VWA8: variants seen among roughly 807,000 people sequenced by gnomAD.
The protein encoded by VWA8 is von Willebrand factor A domain-containing protein 8.
A neutral mutation model predicts 241.5 loss-of-function variants in VWA8; 221 were observed. The ratio of observed to expected loss-of-function variants is 0.91; its 90% CI spans 0.82 to 1.02. The LOEUF is 1.02. Among genes scored for constraint, VWA8 ranks in the 50% least tolerant of loss-of-function variants. The probability of loss-of-function intolerance (pLI) is 0.00; values close to 1 mark genes in which losing one functional copy is unlikely to be tolerated. For synonymous variants in VWA8, 852 were observed against 827.1 expected, an observed-to-expected ratio of 1.03 and a Z score of -0.52; for missense variants, 2,322 against 2,328.7, an observed-to-expected ratio of 1.00 and a Z score of 0.06.
At chr13:41,933,517 T>TA (rs1431706023) in intron 2 of VWA8, among the ~76,000 whole-genome samples, 1 of 151,976 alleles carries the variant, frequency 6.6e-6, no homozygotes, top group East Asian at 1.9e-4. Context: ...AACAACTTTT[T>TA]AAAAGAACAA....
At chr13:41,615,140 C>A (rs1005439889) in intron 37 of VWA8, 56 bp from the exon 38 acceptor site, 86 of 1,564,836 alleles carry the variant, frequency 5.5e-5, no homozygotes, top group Non-Finnish European at 6.8e-5. Flanking sequence ...CCAGGGACTG[C>A]ATGACAGAAA....
intron 21 of VWA8, among the ~76,000 whole-genome samples, chr13:41,745,262 T>C (rs2045596409): frequency 6.6e-6 from 1 of 152,128 alleles, no homozygotes. Context: ...TTACATTAGG[T>C]ATTTCTCCTA....
At chr13:41,574,552 C>CAAAG (rs752284542) in intron 43 of VWA8, among the ~76,000 whole-genome samples, 7 of 152,040 alleles carry the variant, frequency 4.6e-5, no homozygotes, top group Non-Finnish European at 8.8e-5. Context: ...CATTATTTTT[C>CAAAG]AAAGAACTAG....
rs180683586 is a variant in VWA8, at chr13:41,662,116, T to C, written c.4611+8830A>G. On this transcript the variant is annotated intron_variant, in intron 37 of 44. Coordinates refer to ENST00000379310, the MANE Select transcript of VWA8 (RefSeq NM_015058.2). Reference sequence around the variant, plus strand: ...TTCTTTTAAAAATTATTTTGGTTCATTTAGTTCATTTATCTTCCCATATAA... The same window carrying C: ...TTCTTTTAAAAATTATTTTGGTTCACTTAGTTCATTTATCTTCCCATATAA... 3.0e-3 allele frequency among the ~76,000 whole-genome samples: 450 copies of C among 152,288 alleles called. 2 individuals are homozygous for C. The highest frequency in any genetic ancestry group is 0.01 in the African/African-American group (421 of 41,564).
chr13:41,706,317 G>T (rs1222842075), intron 26 of VWA8, among the ~76,000 whole-genome samples: 1 of 152,154 alleles, frequency 6.6e-6, no homozygotes, highest in African/African-American at 2.4e-5. Context: ...AGGACCTCCA[G>T]GTACCCTATA....
At chr13:41,578,324 T>G (rs1471528228) in intron 42 of VWA8, among the ~76,000 whole-genome samples, 1 of 152,194 alleles carries the variant, frequency 6.6e-6, no homozygotes, top group East Asian at 1.9e-4. Flanking sequence ...ATCTTCCAGA[T>G]GGGTTTGAGG....
chr13:41,817,544 A>G (rs1239532383), intron 15 of VWA8, among the ~76,000 whole-genome samples: 1 of 152,204 alleles, frequency 6.6e-6, no homozygotes. Context: ...AAGTAATTAG[A>G]ATTTTTTTAA....
chr13:41,843,711 C>CTTT (rs1288903010), intron 12 of VWA8, among the ~76,000 whole-genome samples: 1 of 151,618 alleles, frequency 6.6e-6, no homozygotes, highest in African/African-American at 2.4e-5. Flanking sequence ...ACTATGAACA[C>CTTT]CTCTCTGCAC....
At chr13:41,873,864 G>T (rs868360965) in intron 9 of VWA8, among the ~76,000 whole-genome samples, 3,022 of 152,026 alleles carry the variant, frequency 0.02, 106 homozygotes, top group African/African-American at 0.066. Flanking sequence ...TACCAAAGCC[G>T]GGCAGAGACA....
intron 10 of VWA8, 147 bp from the exon 11 acceptor site, chr13:41,866,183 A>T: frequency 1.0e-6 from 1 of 1,000,896 alleles, no homozygotes; most frequent in South Asian, 1.8e-5. Context: ...CCCCATCTCT[A>T]CAAAAATACA....
chr13:41,876,026 C>A (rs996632514), intron 9 of VWA8, among the ~76,000 whole-genome samples: 13 of 152,060 alleles, frequency 8.5e-5, no homozygotes, highest in African/African-American at 3.1e-4. Context: ...TCTGTATCAA[C>A]CCTACATCTA....
At chr13:41,745,964 GA>G (rs531186837) in intron 21 of VWA8, among the ~76,000 whole-genome samples, 114 of 149,526 alleles carry the variant, frequency 7.6e-4, no homozygotes, top group African/African-American at 2.6e-3. Flanking sequence ...CTTTACAAGT[GA>G]AAAAAAAAGG....
Position 41,729,575 on chromosome 13 carries a change from T to C in VWA8, c.2605A>G (p.Met869Val), listed in dbSNP as rs770279082. The part of the protein sequence containing the change: ...ILKTLVENGE[M>V]ILADGRRIVA... ...ATGCGTCTTCCATCTGCTAGAATCA[T>C]TTCTCCATTTTCTACTAGAGTTTTT... Residue 869 changes from methionine to valine, a missense_variant, in exon 23 of 45, where the codon ATG (methionine) becomes GTG (valine). By Grantham distance (21) the Met-to-Val change is conservative. Transcript: ENST00000379310. The C allele has an allele frequency of 1.4e-5, 23 of 1,612,608 alleles. No homozygotes were observed. Among genetic ancestry groups the C allele is most frequent in the South Asian group, 2.2e-5 (2 of 90,746 alleles).
intron 2 of VWA8, among the ~76,000 whole-genome samples, chr13:41,941,688 G>A (rs1877605850): frequency 6.6e-6 from 1 of 152,068 alleles, no homozygotes; most frequent in Non-Finnish European, 1.5e-5. Context: ...CAGAATAATG[G>A]AAAACGAAAA....
intron 37 of VWA8, among the ~76,000 whole-genome samples, chr13:41,668,457 A>C (rs2137796804): frequency 1.3e-5 from 2 of 152,324 alleles, no homozygotes; most frequent in Admixed American, 1.3e-4. Flanking sequence ...CTTCTATGAA[A>C]GGCATTTTCC....
At chr13:41,649,077 T>G (rs1004476070) in intron 37 of VWA8, among the ~76,000 whole-genome samples, 2 of 151,872 alleles carry the variant, frequency 1.3e-5, no homozygotes, top group Non-Finnish European at 2.9e-5. Context: ...CCCAGCTACT[T>G]GGGAGGCTGA....
intron 20 of VWA8, among the ~76,000 whole-genome samples, chr13:41,770,440 CAAA>C (rs35797822): frequency 4.9e-5 from 5 of 102,420 alleles, no homozygotes; most frequent in Non-Finnish European, 3.9e-5. Context: ...GACTCCGTTT[CAAA>C]AAAAAAAAAA....
intron 40 of VWA8, among the ~76,000 whole-genome samples, chr13:41,596,814 C>G (rs1358117082): frequency 6.6e-6 from 1 of 151,520 alleles, no homozygotes; most frequent in Non-Finnish European, 1.5e-5. Flanking sequence ...CACACACACA[C>G]ACACACACAC....
At chr13:41,713,946 T>A (rs1208501064) in intron 26 of VWA8, among the ~76,000 whole-genome samples, 1 of 152,016 alleles carries the variant, frequency 6.6e-6, no homozygotes, top group African/African-American at 2.4e-5. Context: ...TCCTGGAATA[T>A]CTCTTCTATT....
Sources: allele counts gnomAD v4.1 joint callset (sites outside exome capture counted in the v4.1 genomes callset), GRCh38; gene constraint gnomAD v4.1.1; transcripts MANE v1.5; gene names NCBI Gene and HGNC (gene_info 2026-07-23, HGNC 2026-07-21).